The following TMTC4 variants were observed in gnomAD, a reference collection of about 807,000 sequenced individuals.
TMTC4 encodes the protein transmembrane O-mannosyltransferase targeting cadherins 4, also known as protein O-mannosyl-transferase TMTC4.
A neutral mutation model predicts 86.0 loss-of-function variants in TMTC4; 65 were observed. The ratio of observed to expected loss-of-function variants is 0.76; its 90% CI spans 0.62 to 0.93. The LOEUF (loss-of-function observed/expected upper bound fraction) is 0.93. Ranked by LOEUF, TMTC4 falls within the 40% of genes least tolerant of loss-of-function variation. The pLI is 0.00. For missense variants in TMTC4, 866 were observed against 948.1 expected (o/e 0.91, Z 1.14); for synonymous variants, 379 against 382.5 (o/e 0.99, Z 0.11).
rs771337381 is a variant in TMTC4, at chr13:100,636,628, A to G, written c.1106T>C (p.Ile369Thr). The change falls in exon 10 of 19, where the codon ATC (isoleucine) becomes ACC (threonine). Residue 369 changes from isoleucine (I) to threonine (T), a missense_variant. Physicochemically the swap from Ile to Thr is moderately conservative, Grantham distance 89. Transcript: ENST00000342624. Reference sequence around the variant, plus strand: ...AAGTGCAATTACCCTCCAGTCGCTGATGGACTTAATGAGGGGGATGCAGCC... The same window carrying G: ...AAGTGCAATTACCCTCCAGTCGCTGGTGGACTTAATGAGGGGGATGCAGCC... The part of the protein sequence containing the change: ...SMGCIPLIKS[I>T]SDWRVIALAA... 2 of 1,614,202 alleles carry G rather than the reference A, an allele frequency of 1.2e-6. No homozygotes were observed. The highest frequency in any genetic ancestry group is 2.2e-5 in the South Asian group (2 of 91,084).
At chr13:100,644,383 G>C (rs1883444678) in intron 6 of TMTC4, among the ~76,000 whole-genome samples, 2 of 152,118 alleles carry the variant, frequency 1.3e-5, no homozygotes, top group African/African-American at 2.4e-5. Flanking sequence ...GATTACAGGC[G>C]TGAGTTATTG....
In TMTC4 at chr13:100,637,527, T is replaced by G; in HGVS notation, c.999+11A>C. On this transcript the variant is annotated intron_variant, in intron 9 of 18. Transcript: ENST00000342624. ...GAAAAGAGTCCAGGGGGCGGCAGGC[T>G]CAGAACTCACCCTCACCAGCATGCT... 6.2e-7 allele frequency: 1 copy of G among 1,607,606 alleles called. No homozygotes were observed. The highest frequency in any genetic ancestry group is 2.2e-5 in the East Asian group (1 of 44,698).
Position 100,627,857 on chromosome 13 carries a change from G to T in TMTC4, c.1507-1707C>A, listed in dbSNP as rs1052773042. Among the ~76,000 whole-genome samples the T allele has an allele frequency of 4.6e-5, 7 of 152,070 alleles. No individual in the cohort carries two copies. The South Asian group carries it at 1.5e-3, about 32-fold the overall frequency. On this transcript the variant is annotated intron_variant, in intron 12 of 18. Transcript: ENST00000342624. ...CCCGTGGTGGGAAAGAGATGTGAGT[G>T]GGGGAGAAGCAGGTGTCAGGGGCTC...
At position 100,652,663 on chromosome 13, in the gene TMTC4, T is replaced by C. The variant is rs183077606; in HGVS notation, c.640+3718A>G. ...AAGGAAGTAAGTAGAACAAAGGCCATGGCCTCCCACTCTGCATAAACACAG... is the reference window on the plus strand; with the variant it reads ...AAGGAAGTAAGTAGAACAAAGGCCACGGCCTCCCACTCTGCATAAACACAG... On this transcript the variant is annotated intron_variant, in intron 6 of 18. Coordinates refer to ENST00000342624, the MANE Select transcript of TMTC4 (RefSeq NM_032813.5). Among the ~76,000 whole-genome samples the C allele has an allele frequency of 1.8e-4, 28 of 152,250 alleles. No homozygotes were observed. In the East Asian group the frequency reaches 5.2e-3, roughly 28 times the overall value.
At chr13:100,636,821 CAT>C in intron 9 of TMTC4, 87 bp from the exon 10 acceptor site, 1 of 1,359,738 alleles carries the variant, frequency 7.4e-7, no homozygotes. Flanking sequence ...TGGAGGCACT[CAT>C]ATGCTTCTGC....
At position 100,613,766 on chromosome 13, in the gene TMTC4, TTCCC is replaced by T. The variant is rs1281234645; in HGVS notation, c.1951+546_1951+549del. ...TAAAGAAATTCCTTCCTTCCCTCCC[TTCCC>T]TCCCTCCCTCCCTTCCTTCCTGCCT... is the stretch of plus-strand genomic sequence containing the variant. On this transcript the variant is annotated intron_variant, in intron 16 of 18. Transcript: ENST00000342624. 1.7e-4 allele frequency among the ~76,000 whole-genome samples: 22 copies of T among 128,702 alleles called. No individual in the cohort carries two copies. In the South Asian group the frequency reaches 1.7e-3, roughly 10 times the overall value. The allele number at this position is 128,702 out of a possible 152,430, so 84.4% of individuals were successfully genotyped here.
intron 15 of TMTC4, chr13:100,625,232 G>T (rs750967793): frequency 4.7e-5 from 16 of 341,862 alleles, no homozygotes; most frequent in Non-Finnish European, 7.7e-5. Flanking sequence ...TTATCAGGAA[G>T]TTACCCATTG....
chr13:100,674,524 T>C (rs1887586869), intron 1 of TMTC4: 1 of 977,892 alleles, frequency 1.0e-6, no homozygotes, highest in Non-Finnish European at 1.2e-6. Flanking sequence ...CCGCGCCCTT[T>C]GTCCCATGTG....
At chr13:100,623,590 A>G (rs1879889558) in intron 15 of TMTC4, among the ~76,000 whole-genome samples, 1 of 138,352 alleles carries the variant, frequency 7.2e-6, no homozygotes, top group Non-Finnish European at 1.5e-5. Context: ...TAAATGTCAG[A>G]TGGGGTGGGA....
intron 6 of TMTC4, among the ~76,000 whole-genome samples, chr13:100,655,946 G>A (rs1885054899): frequency 6.6e-6 from 1 of 152,208 alleles, no homozygotes; most frequent in Non-Finnish European, 1.5e-5. Context: ...GACAGGATGG[G>A]ATGAAGGAGG....
chr13:100,623,439 G>C (rs1360197086), intron 15 of TMTC4, among the ~76,000 whole-genome samples: 3 of 152,158 alleles, frequency 2.0e-5, no homozygotes, highest in Non-Finnish European at 4.4e-5. Flanking sequence ...CGCCATGTTG[G>C]CCAGGCTGGT....
rs1294382220 is a variant in TMTC4, at chr13:100,674,751, G to C, written c.-215C>G. 1.0e-6 allele frequency: 1 copy of C among 983,598 alleles called. No homozygotes were observed. Among genetic ancestry groups the C allele is most frequent in the Admixed American group, 6.2e-5 (1 of 16,122 alleles). 60.9% of individuals were successfully genotyped at this position (983,598 alleles called of 1,614,324 possible). On this transcript the variant is annotated 5_prime_UTR_variant, in exon 1 of 19. Transcript: ENST00000342624. ...GGCCGCCCCGCGCGTTACCTGCAAG[G>C]AGCCTGAGCCCCGGCCGCATCTCCC...
At chr13:100,667,342 T>C (rs567869513) in intron 3 of TMTC4, among the ~76,000 whole-genome samples, 5 of 152,136 alleles carry the variant, frequency 3.3e-5, no homozygotes, top group South Asian at 2.1e-4. Flanking sequence ...GGCAGTAGAA[T>C]TGCTTGAACC....
At chr13:100,674,182 C>CCCGGGCG (rs1426191733) in intron 1 of TMTC4, 12 of 773,032 alleles carry the variant, frequency 1.6e-5, no homozygotes, top group Non-Finnish European at 1.7e-5. Context: ...GCGCCCGGGC[C>CCCGGGCG]GGTGGCCCCG....
intron 10 of TMTC4, among the ~76,000 whole-genome samples, chr13:100,636,109 G>A (rs1882167312): frequency 6.6e-6 from 1 of 152,052 alleles, no homozygotes; most frequent in Admixed American, 6.6e-5. Context: ...CAGTCTCTTT[G>A]GGGCAATGGC....
At chr13:100,648,026 T>C (rs1883972182) in intron 6 of TMTC4, among the ~76,000 whole-genome samples, 1 of 152,216 alleles carries the variant, frequency 6.6e-6, no homozygotes, top group South Asian at 2.1e-4. Context: ...AGACTTCCGA[T>C]TTTGCTTCAA....
intron 12 of TMTC4, among the ~76,000 whole-genome samples, chr13:100,626,959 CA>C (rs1485736799): frequency 6.6e-6 from 1 of 152,126 alleles, no homozygotes; most frequent in Admixed American, 6.5e-5. Flanking sequence ...GTGCCTTCAT[CA>C]AAAAGGCCCT....
intron 16 of TMTC4, among the ~76,000 whole-genome samples, chr13:100,613,835 A>ACCCC (rs1566561935): frequency 5.0e-4 from 5 of 9,964 alleles, no homozygotes; most frequent in Admixed American, 1.2e-3. Context: ...TCTCCCCCCT[A>ACCCC]CCCGCCCCCC....
chr13:100,665,880 C>A, intron 3 of TMTC4: 1 of 363,796 alleles, frequency 2.7e-6, no homozygotes, highest in Non-Finnish European at 5.5e-6. Context: ...GCACACTGAC[C>A]ACTCCCCAAG....
Sources: gnomAD v4.1 joint callset for allele counts (sites outside exome capture counted in the v4.1 genomes callset) on GRCh38, gnomAD v4.1.1 for gene constraint, MANE v1.5 for transcripts, NCBI Gene and HGNC (gene_info 2026-07-23, HGNC 2026-07-21) for gene names.